Variants in ARFGAP2 observed in about 807,000 individuals in gnomAD.
ARFGAP2 encodes ADP-ribosylation factor GTPase-activating protein 2.
Under a neutral mutation model 71.9 loss-of-function variants are expected in ARFGAP2, and 45 were observed. The observed-to-expected ratio is 0.63, with a 90% CI of 0.49 to 0.80. ARFGAP2 has a LOEUF of 0.80. ARFGAP2 is among the 30% of genes least tolerant of loss of function. The pLI is 0.00. For synonymous variants in ARFGAP2, 248 were observed against 249.2 expected (o/e 1.00, Z 0.05); for missense variants, 633 against 673.9 (o/e 0.94, Z 0.67).
intron 10 of ARFGAP2, among the ~76,000 whole-genome samples, chr11:47,170,323 C>CAAAAAA (rs34843394): frequency 1.2e-4 from 9 of 73,908 alleles, no homozygotes; most frequent in Admixed American, 1.6e-4. Flanking sequence ...GACTCCATCT[C>CAAAAAA]AAAAAAAAAA....
rs1245452622 is a variant in ARFGAP2, at chr11:47,174,996, G to A, written c.480+19C>T. The A allele has an allele frequency of 2.5e-6, 4 of 1,613,486 alleles. No individual in the cohort carries two copies. In the African/African-American group the frequency reaches 4.0e-5, roughly 16 times the overall value. On this transcript the variant is annotated intron_variant, in intron 5 of 15. Coordinates refer to ENST00000524782, the MANE Select transcript of ARFGAP2 (RefSeq NM_032389.6). ...CCTGTCAAGAACAACTGGGAAAACG[G>A]TTCCTTGTGGGCACTCACTTGAGTG...
chr11:47,172,563 A>G (rs1952646256), intron 7 of ARFGAP2: 1 of 1,066,134 alleles, frequency 9.4e-7, no homozygotes. Context: ...CTGAAGCACC[A>G]GAGACGTCCG....
At position 47,165,569 on chromosome 11, in the gene ARFGAP2, A is replaced by G. The variant is rs1590941633; in HGVS notation, c.1546-67T>C. ...CTCTAAGCTGCAGCAGCTTCCCAGC[A>G]AACACACTGCCTGCCCCAGCACCCC... On this transcript the variant is annotated intron_variant, in intron 15 of 15. Transcript: ENST00000524782. 4 of 1,482,758 alleles carry G rather than the reference A, an allele frequency of 2.7e-6. No homozygotes were observed. In the East Asian group the frequency reaches 9.8e-5, roughly 36 times the overall value. The allele number at this position is 1,482,758 out of a possible 1,614,324, so 91.9% of individuals were successfully genotyped here.
intron 15 of ARFGAP2, among the ~76,000 whole-genome samples, chr11:47,166,056 G>C (rs1291720713): frequency 1.3e-5 from 2 of 152,172 alleles, no homozygotes; most frequent in African/African-American, 2.4e-5. Context: ...TAGAGACGGG[G>C]TTTTGCCATG....
intron 2 of ARFGAP2, 39 bp from the exon 3 acceptor site, chr11:47,175,962 C>CA (rs1565133584): frequency 6.2e-7 from 1 of 1,608,028 alleles, no homozygotes; most frequent in East Asian, 2.2e-5. Flanking sequence ...TAGCAGATAC[C>CA]AGCAGGATTT....
chr11:47,175,008 C>G lies in ARFGAP2; in HGVS notation c.480+7G>C. ...AACTGGGAAAACGGTTCCTTGTGGG[C>G]ACTCACTTGAGTGTGTTCTGTGAAG... On this transcript the variant is annotated splice_region_variant and intron_variant, in intron 5 of 15. Coordinates refer to ENST00000524782, the MANE Select transcript of ARFGAP2 (RefSeq NM_032389.6). The G allele has an allele frequency of 6.2e-7, 1 of 1,613,984 alleles. No individual in the cohort carries two copies. Among genetic ancestry groups the G allele is most frequent in the Non-Finnish European group, 8.5e-7 (1 of 1,179,894 alleles).
intron 15 of ARFGAP2, 28 bp from the exon 16 acceptor site, chr11:47,165,530 A>T: frequency 1.3e-6 from 2 of 1,557,702 alleles, no homozygotes; most frequent in South Asian, 1.2e-5. Flanking sequence ...GAAAAAAAAA[A>T]AAAAAGTCAG....
chr11:47,176,815 A>C lies in ARFGAP2; in HGVS notation c.39T>G (p.Leu13=), dbSNP rs1554969769. 1 of 1,614,040 alleles carries C rather than the reference A, an allele frequency of 6.2e-7. No homozygotes were observed. Among genetic ancestry groups the C allele is most frequent in the Non-Finnish European group, 8.5e-7 (1 of 1,180,018 alleles). The change falls in exon 1 of 16, where the codon CTT becomes CTG. Residue 13 remains leucine (L), a synonymous_variant. Transcript: ENST00000524782. ...TTGGAACTGCGCGAAGCCTCTTAAAAAGAGTCTGGATTTCGGTCTTGTTCG... is the reference window on the plus strand; with the variant it reads ...TTGGAACTGCGCGAAGCCTCTTAAACAGAGTCTGGATTTCGGTCTTGTTCG... ...AEPNKTEIQT[L]FKRLRAVPTN...
intron 2 of ARFGAP2, 43 bp downstream of exon 2, chr11:47,176,473 T>A (rs772720603): frequency 1.9e-6 from 3 of 1,583,048 alleles, no homozygotes; most frequent in African/African-American, 1.3e-5. Flanking sequence ...CAGACACCCC[T>A]GGCCGGCCGG....
chr11:47,165,878 GTTTTT>G (rs370719904), intron 15 of ARFGAP2, among the ~76,000 whole-genome samples: 1 of 149,704 alleles, frequency 6.7e-6, no homozygotes, highest in Non-Finnish European at 1.5e-5. Flanking sequence ...TTCGTTTGTG[GTTTTT>G]TTTTTGAGAC....
intron 10 of ARFGAP2, 58 bp downstream of exon 10, chr11:47,171,368 C>A (rs995675661): frequency 1.0e-5 from 16 of 1,602,890 alleles, no homozygotes; most frequent in Non-Finnish European, 1.3e-5. Flanking sequence ...AGGAAGGCCC[C>A]GCAATGGTTC....
In ARFGAP2 at chr11:47,171,503, C is replaced by T. The variant is rs1952597784; in HGVS notation, c.864G>A (p.Glu288=). 1 of 1,614,182 alleles carries T rather than the reference C, an allele frequency of 6.2e-7. No individual in the cohort carries two copies. Among genetic ancestry groups the T allele is most frequent in the Non-Finnish European group, 8.5e-7 (1 of 1,180,032 alleles). The stretch of plus-strand genomic sequence containing the variant: ...CTTCCAGATTCTGTAGCTTCTTTTC[C>T]TCTTTCTTACGATCAATCTGGAGCT... ...YQELQIDRKK[E]EKKLQNLEGK... Residue 288 remains glutamate (E), a synonymous_variant, in exon 10 of 16, where the codon GAG becomes GAA. Transcript: ENST00000524782.
intron 10 of ARFGAP2, among the ~76,000 whole-genome samples, chr11:47,171,176 A>C (rs1952583601): frequency 6.6e-6 from 1 of 152,208 alleles, no homozygotes; most frequent in Non-Finnish European, 1.5e-5. Context: ...AAACCACCCT[A>C]GTCTCTTGAA....
At position 47,175,004 on chromosome 11, in the gene ARFGAP2, T is replaced by G. The variant is rs142232467; in HGVS notation, c.480+11A>C. On this transcript the variant is annotated intron_variant, in intron 5 of 15. Coordinates refer to ENST00000524782, the MANE Select transcript of ARFGAP2 (RefSeq NM_032389.6). ...GAACAACTGGGAAAACGGTTCCTTG[T>G]GGGCACTCACTTGAGTGTGTTCTGT... The G allele has an allele frequency of 2.4e-5, 38 of 1,613,978 alleles. No individual in the cohort carries two copies. The East Asian group carries it at 7.4e-4, about 31-fold the overall frequency.
chr11:47,174,752 CCT>C (rs1766187535), intron 5 of ARFGAP2: 1 of 430,518 alleles, frequency 2.3e-6, no homozygotes. Context: ...GCACCGGACA[CCT>C]CTTGAAACTT....
chr11:47,165,543 G>T (rs1312444227), intron 15 of ARFGAP2, 41 bp from the exon 16 acceptor site: 3 of 1,526,406 alleles, frequency 2.0e-6, no homozygotes, highest in Non-Finnish European at 2.6e-6. Context: ...AAAGTCAGAG[G>T]CTCTAAGCTG....
chr11:47,176,063 T>G, intron 2 of ARFGAP2, 140 bp from the exon 3 acceptor site: 1 of 743,130 alleles, frequency 1.3e-6, no homozygotes, highest in Non-Finnish European at 2.3e-6. Context: ...TCCTCCACAC[T>G]ACCCTGTCCA....
chr11:47,167,943 C>T lies in ARFGAP2; in HGVS notation c.1171G>A (p.Val391Met), dbSNP rs779913915. 19 of 1,613,610 alleles carry T rather than the reference C, an allele frequency of 1.2e-5. No homozygotes were observed. Among genetic ancestry groups the T allele is most frequent in the Non-Finnish European group, 1.6e-5 (19 of 1,179,704 alleles). The change falls in exon 12 of 16, where the codon GTG (valine) becomes ATG (methionine). Residue 391 changes from valine to methionine, a missense_variant. Val to Met is a conservative substitution (Grantham distance 21). Transcript: ENST00000524782. ...MDRVEEKEPEVTISSIRPISE... is the reference protein window; with the variant it reads ...MDRVEEKEPEMTISSIRPISE... The stretch of plus-strand genomic sequence containing the variant: ...ATAGGCCGGATGCTTGAGATGGTCA[C>T]TTCTGGCTCCTTCTCCTCTACCCTG...
chr11:47,172,259 C>T (rs891806774), intron 8 of ARFGAP2, 22 bp downstream of exon 8: 1 of 1,613,454 alleles, frequency 6.2e-7, no homozygotes, highest in Non-Finnish European at 8.5e-7. Context: ...ACCCCTCTAC[C>T]ATACCACCTC....
Sources: gnomAD v4.1 joint callset for allele counts (sites outside exome capture counted in the v4.1 genomes callset) on GRCh38, gnomAD v4.1.1 for gene constraint, MANE v1.5 for transcripts, NCBI Gene and HGNC (gene_info 2026-07-23, HGNC 2026-07-21) for gene names.